The following C1orf105 variants were observed in gnomAD, a reference collection of about 807,000 sequenced individuals.
C1orf105 encodes the protein chromosome 1 open reading frame 105.
C1orf105 carries 17 observed loss-of-function variants against 20.8 expected under a neutral mutation model. The observed-to-expected ratio is 0.82, with a 90% CI of 0.56 to 1.23. C1orf105 has a LOEUF of 1.23. C1orf105 is among the 50% of genes most tolerant of loss of function. The probability of loss-of-function intolerance (pLI) is 0.00; values close to 1 mark genes in which losing one functional copy is unlikely to be tolerated. For synonymous variants in C1orf105, 72 were observed against 72.1 expected, an observed-to-expected ratio of 1.00 and a Z score of 0.01; for missense variants, 219 against 213.5, an observed-to-expected ratio of 1.03 and a Z score of -0.16.
At chr1:172,438,200 A>G (rs1229656026) in intron 1 of C1orf105, among the ~76,000 whole-genome samples, 6 of 152,342 alleles carry the variant, frequency 3.9e-5, no homozygotes, top group Non-Finnish European at 4.4e-5. Flanking sequence ...CACAGCATCC[A>G]TTCTGAAGTC....
At chr1:172,441,816 G>T in intron 1 of C1orf105, 1 of 1,613,158 alleles carries the variant, frequency 6.2e-7, no homozygotes, top group Non-Finnish European at 8.5e-7. Context: ...GCAAGCGAAT[G>T]AGGTAGAATG....
At chr1:172,436,293 A>G (rs2072038677) in intron 1 of C1orf105, among the ~76,000 whole-genome samples, 1 of 152,240 alleles carries the variant, frequency 6.6e-6, no homozygotes, top group African/African-American at 2.4e-5. Flanking sequence ...AGACAATCCT[A>G]AGTAAAAAGA....
intron 1 of C1orf105, chr1:172,441,939 A>G: frequency 6.2e-7 from 1 of 1,614,238 alleles, no homozygotes; most frequent in Non-Finnish European, 8.5e-7. Flanking sequence ...TGACCCCCAC[A>G]TAGCTCCGGG....
At chr1:172,434,694 T>C (rs12731260) in intron 1 of C1orf105, among the ~76,000 whole-genome samples, 1 of 151,958 alleles carries the variant, frequency 6.6e-6, no homozygotes, top group Non-Finnish European at 1.5e-5. Flanking sequence ...TTAAAAGAAC[T>C]AGAGAAGCAA....
intron 2 of C1orf105, 86 bp from the exon 3 acceptor site, chr1:172,448,355 C>A: frequency 3.5e-6 from 3 of 867,548 alleles, no homozygotes; most frequent in Non-Finnish European, 5.6e-6. Flanking sequence ...CTGTGGTGTC[C>A]CTTGTATTCT....
At chr1:172,433,729 G>T (rs1474730157) in intron 1 of C1orf105, among the ~76,000 whole-genome samples, 1 of 152,144 alleles carries the variant, frequency 6.6e-6, no homozygotes, top group Admixed American at 6.6e-5. Flanking sequence ...CATCACAATT[G>T]CAGGATCAAA....
chr1:172,434,361 C>G (rs2071969372), intron 1 of C1orf105, among the ~76,000 whole-genome samples: 1 of 152,180 alleles, frequency 6.6e-6, no homozygotes, highest in Admixed American at 6.5e-5. Context: ...AAGTAAAGCA[C>G]TCCTCAGCAA....
chr1:172,436,639 C>A (rs2149164825), intron 1 of C1orf105, among the ~76,000 whole-genome samples: 1 of 152,272 alleles, frequency 6.6e-6, no homozygotes, highest in East Asian at 1.9e-4. Flanking sequence ...CATAAAAACC[C>A]TAGAAGAAAG....
At chr1:172,453,193 G>A in intron 3 of C1orf105, 1 of 1,550,948 alleles carries the variant, frequency 6.4e-7, no homozygotes, top group Admixed American at 2.0e-5. Context: ...GTCTGAGGTA[G>A]AGTACAGCAC....
At position 172,468,555 on chromosome 1, in the gene C1orf105, G is replaced by A; in HGVS notation, c.513G>A (p.Leu171=). 6.2e-7 allele frequency: 1 copy of A among 1,613,870 alleles called. No homozygotes were observed. Among genetic ancestry groups the A allele is most frequent in the Non-Finnish European group, 8.5e-7 (1 of 1,179,854 alleles). The change falls in exon 7 of 7, where the codon TTG becomes TTA. Residue 171 remains leucine (L), a synonymous_variant. Transcript: ENST00000367727. The stretch of plus-strand genomic sequence containing the variant: ...TAAAAGAGAGACAACGTTCTTCCTT[G>A]CCCAGAAAGGAACCAATAGGCAAGA... ...KTLKERQRSS[L]PRKEPIGKTT... is the part of the protein sequence containing the mutation.
chr1:172,438,145 T>C (rs2072103211), intron 1 of C1orf105, among the ~76,000 whole-genome samples: 1 of 152,336 alleles, frequency 6.6e-6, no homozygotes, highest in African/African-American at 2.4e-5. Flanking sequence ...AAGATTCCTT[T>C]CAAAATATTA....
chr1:172,446,312 G>C (rs948572000), intron 2 of C1orf105, among the ~76,000 whole-genome samples: 1 of 152,296 alleles, frequency 6.6e-6, no homozygotes, highest in Middle Eastern at 3.4e-3. Flanking sequence ...GGATCAGCAC[G>C]AGTAAGGACA....
chr1:172,453,412 T>G (rs1007849589), intron 3 of C1orf105, among the ~76,000 whole-genome samples: 3 of 152,252 alleles, frequency 2.0e-5, no homozygotes, highest in Admixed American at 2.0e-4. Context: ...TCTTCCCCAG[T>G]GCATTACATA....
chr1:172,465,617 C>T (rs1276334869), intron 6 of C1orf105: 2 of 615,184 alleles, frequency 3.3e-6, no homozygotes, highest in African/African-American at 3.6e-5. Flanking sequence ...GATCTGTCCA[C>T]AACATATGGC....
intron 1 of C1orf105, chr1:172,441,658 G>A: frequency 7.7e-7 from 1 of 1,293,298 alleles, no homozygotes; most frequent in South Asian, 1.6e-5. Flanking sequence ...ATGGAACTCT[G>A]TCTTTAAGTT....
chr1:172,444,984 A>G (rs1647809026), intron 1 of C1orf105, 89 bp from the exon 2 acceptor site: 1 of 1,021,256 alleles, frequency 9.8e-7, no homozygotes, highest in Admixed American at 2.0e-5. Context: ...TGTTCACTAT[A>G]TGGCTGCTAT....
At chr1:172,466,186 T>A (rs937278899) in intron 6 of C1orf105, among the ~76,000 whole-genome samples, 1 of 152,152 alleles carries the variant, frequency 6.6e-6, no homozygotes, top group African/African-American at 2.4e-5. Flanking sequence ...AATTTGAGGA[T>A]TGAAGGGATG....
chr1:172,428,433 C>G (rs141244739), intron 1 of C1orf105, among the ~76,000 whole-genome samples: 2 of 152,212 alleles, frequency 1.3e-5, no homozygotes, highest in South Asian at 4.1e-4. Flanking sequence ...TAGCTTCCCA[C>G]GTTACCTCTA....
chr1:172,443,094 AAGTT>A (rs776697514), intron 1 of C1orf105: 20 of 169,670 alleles, frequency 1.2e-4, no homozygotes, highest in Middle Eastern at 6.8e-3. Flanking sequence ...ACCACCTTGT[AAGTT>A]AGTATTAGTC....
Sources: allele counts gnomAD v4.1 joint callset (sites outside exome capture counted in the v4.1 genomes callset), GRCh38; gene constraint gnomAD v4.1.1; transcripts MANE v1.5; gene names NCBI Gene and HGNC (gene_info 2026-07-23, HGNC 2026-07-21).